ESR1: variants seen among roughly 807,000 people sequenced by gnomAD.
ESR1 encodes estrogen receptor 1.
A neutral mutation model predicts 52.7 loss-of-function variants in ESR1; 12 were observed. The ratio of observed to expected loss-of-function variants is 0.23; its 90% CI spans 0.15 to 0.37. The LOEUF is 0.37. Among genes scored for constraint, ESR1 ranks in the 10% least tolerant of loss-of-function variants. ESR1 has a pLI of 1.00. For missense variants in ESR1, 584 were observed against 779.7 expected (o/e 0.75, Z 2.99); for synonymous variants, 305 against 316.8 (o/e 0.96, Z 0.39).
intron 2 of ESR1, among the ~76,000 whole-genome samples, chr6:151,736,237 C>T (rs1782645693): frequency 6.7e-6 from 1 of 149,554 alleles, no homozygotes. Context: ...AGATCATATA[C>T]ATTTGCTTTT....
At chr6:151,698,687 G>T (rs556114279) in intron 1 of ESR1, among the ~76,000 whole-genome samples, 6 of 152,296 alleles carry the variant, frequency 3.9e-5, no homozygotes, top group Admixed American at 2.0e-4. Context: ...AGGAGCTACT[G>T]GGGGTAGAGT....
chr6:151,715,663 G>A (rs1463701966), intron 2 of ESR1, among the ~76,000 whole-genome samples: 1 of 152,050 alleles, frequency 6.6e-6, no homozygotes. Context: ...AAGTTCTTGT[G>A]CTGTGTTTCT....
At chr6:151,883,421 C>T (rs1327000987) in intron 3 of ESR1, among the ~76,000 whole-genome samples, 1 of 152,042 alleles carries the variant, frequency 6.6e-6, no homozygotes, top group Non-Finnish European at 1.5e-5. Context: ...AGCCACCATG[C>T]CCGGCCTGTG....
intron 6 of ESR1, among the ~76,000 whole-genome samples, chr6:152,120,196 C>A (rs2051277057): frequency 6.6e-6 from 1 of 152,194 alleles, no homozygotes; most frequent in African/African-American, 2.4e-5. Context: ...CGATGACACT[C>A]TTCATTGTGT....
At chr6:151,673,197 C>T (rs1778136549) in intron 1 of ESR1, among the ~76,000 whole-genome samples, 3 of 152,132 alleles carry the variant, frequency 2.0e-5, no homozygotes, top group Non-Finnish European at 4.4e-5. Flanking sequence ...ATAAGGATCA[C>T]TGTATGATCA....
intron 3 of ESR1, among the ~76,000 whole-genome samples, chr6:151,924,107 G>A (rs558314266): frequency 1.3e-5 from 2 of 152,162 alleles, no homozygotes; most frequent in African/African-American, 4.8e-5. Flanking sequence ...GCAGTGGCAC[G>A]ATCTTCGCTC....
intron 2 of ESR1, among the ~76,000 whole-genome samples, chr6:151,772,883 GTCC>G (rs984008640): frequency 6.6e-6 from 1 of 152,114 alleles, no homozygotes; most frequent in Non-Finnish European, 1.5e-5. Context: ...TCATAAAAAA[GTCC>G]TCCTCTTCAT....
chr6:151,949,763 T>C (rs1372052471), intron 4 of ESR1, among the ~76,000 whole-genome samples: 1 of 152,230 alleles, frequency 6.6e-6, no homozygotes, highest in African/African-American at 2.4e-5. Flanking sequence ...GTTGACTGGA[T>C]TTTTCTTTCA....
intron 3 of ESR1, among the ~76,000 whole-genome samples, chr6:151,893,122 C>T (rs1473664940): frequency 6.6e-6 from 1 of 152,272 alleles, no homozygotes; most frequent in African/African-American, 2.4e-5. Flanking sequence ...ACCTGGGAGG[C>T]GGAGCTTGCA....
chr6:151,797,400 G>A lies in ESR1; in HGVS notation c.-70-10443G>A, dbSNP rs1445100372. ...ATTTTGCATGAAAGAAAAGCCAATG[G>A]AAATGGGACTGTTAGACTTAAACTT... On this transcript the variant is annotated intron_variant, in intron 2 of 2. Coordinates refer to the ESR1 transcript ENST00000404742. 8.5e-5 allele frequency among the ~76,000 whole-genome samples: 13 copies of A among 152,188 alleles called. 1 individual carries two copies. Among genetic ancestry groups the A allele is most frequent in the Admixed American group, 8.5e-4 (13 of 15,284 alleles).
chr6:152,051,410 G>A (rs1585014080), intron 5 of ESR1, among the ~76,000 whole-genome samples: 1 of 152,150 alleles, frequency 6.6e-6, no homozygotes, highest in Non-Finnish European at 1.5e-5. Context: ...AAACTGACTA[G>A]GATCTCAATC....
chr6:151,706,008 C>T (rs138784906), intron 2 of ESR1, among the ~76,000 whole-genome samples: 1 of 152,098 alleles, frequency 6.6e-6, no homozygotes, highest in African/African-American at 2.4e-5. Context: ...TAAGAGGTAC[C>T]AGAATTTTCT....
At chr6:152,012,017 TACAC>T (rs141508452) in intron 5 of ESR1, among the ~76,000 whole-genome samples, 1,885 of 141,786 alleles carry the variant, frequency 0.013, 30 homozygotes, top group African/African-American at 0.042. Context: ...TTATTTCTAA[TACAC>T]ACACACACAC....
At chr6:151,852,049 G>GT (rs1786846876) in intron 2 of ESR1, among the ~76,000 whole-genome samples, 1 of 152,168 alleles carries the variant, frequency 6.6e-6, no homozygotes, top group African/African-American at 2.4e-5. Context: ...TTAAATATGG[G>GT]TTATCCAGGA....
At chr6:151,835,800 ATTT>A (rs11339911) in intron 1 of ESR1, among the ~76,000 whole-genome samples, 1 of 151,054 alleles carries the variant, frequency 6.6e-6, no homozygotes, top group South Asian at 2.1e-4. Flanking sequence ...TATAATGATG[ATTT>A]TTTTTTTTTA....
intron 1 of ESR1, among the ~76,000 whole-genome samples, chr6:151,662,305 C>T (rs2115204529): frequency 6.6e-6 from 1 of 152,234 alleles, no homozygotes; most frequent in African/African-American, 2.4e-5. Flanking sequence ...GGTTTATGTG[C>T]AACAATATAG....
At chr6:152,112,161 C>G (rs56097852) in intron 6 of ESR1, among the ~76,000 whole-genome samples, 2,609 of 152,254 alleles carry the variant, frequency 0.017, 23 homozygotes, top group Non-Finnish European at 0.025. Flanking sequence ...AGCAGAAAGA[C>G]CTGAACCCAA....
chr6:151,705,154 G>T (rs1409530722), intron 2 of ESR1, among the ~76,000 whole-genome samples: 1 of 152,042 alleles, frequency 6.6e-6, no homozygotes, highest in Non-Finnish European at 1.5e-5. Context: ...ATACTTAATA[G>T]AGCTGACAGA....
At chr6:151,692,012 A>C (rs1778983405) in intron 1 of ESR1, among the ~76,000 whole-genome samples, 1 of 152,232 alleles carries the variant, frequency 6.6e-6, no homozygotes, top group Admixed American at 6.5e-5. Flanking sequence ...ACATGTAGGA[A>C]AAAAGCAAAA....
Sources: allele counts gnomAD v4.1 joint callset (sites outside exome capture counted in the v4.1 genomes callset), GRCh38; gene constraint gnomAD v4.1.1; transcripts MANE v1.5; gene names NCBI Gene and HGNC (gene_info 2026-07-23, HGNC 2026-07-21).